RALGAPA2: variants seen among roughly 807,000 people sequenced by gnomAD.
RALGAPA2 encodes the protein Ral GTPase activating protein catalytic subunit alpha 2.
A neutral mutation model predicts 230.4 loss-of-function variants in RALGAPA2; 139 were observed. That is an observed-to-expected ratio of 0.60 (90% CI 0.53 to 0.69). The LOEUF is 0.69. RALGAPA2 is among the 30% of genes least tolerant of loss of function. The pLI is 0.00. For missense variants in RALGAPA2, 2,163 were observed against 2,276.0 expected, an observed-to-expected ratio of 0.95 and a Z score of 1.01; for synonymous variants, 847 against 837.8, an observed-to-expected ratio of 1.01 and a Z score of -0.19.
intron 27 of RALGAPA2, among the ~76,000 whole-genome samples, chr20:20,527,381 C>T (rs990961783): frequency 1.3e-5 from 2 of 152,188 alleles, no homozygotes; most frequent in African/African-American, 4.8e-5. Flanking sequence ...CCTTCTCTGG[C>T]CACAGAGACC....
At chr20:20,675,208 T>C (rs534646069) in intron 3 of RALGAPA2, among the ~76,000 whole-genome samples, 3 of 152,102 alleles carry the variant, frequency 2.0e-5, no homozygotes, top group South Asian at 2.1e-4. Context: ...TGTGTATCAA[T>C]AGCGAATCAA....
chr20:20,650,065 A>T (rs543506876), intron 4 of RALGAPA2, among the ~76,000 whole-genome samples: 90 of 152,078 alleles, frequency 5.9e-4, no homozygotes, highest in African/African-American at 2.0e-3. Context: ...TGTGCCAACC[A>T]CTCCCCTGGT....
chr20:20,563,809 T>C (rs1305471120), intron 23 of RALGAPA2, among the ~76,000 whole-genome samples: 1 of 151,972 alleles, frequency 6.6e-6, no homozygotes, highest in Non-Finnish European at 1.5e-5. Context: ...CTCCAACATA[T>C]TTCTCACACA....
chr20:20,629,597 G>C lies in RALGAPA2; in HGVS notation c.1006-7C>G, dbSNP rs775014646. ...CAGCACCACCACCAACAGTCTGGAA[G>C]AAAGTCAGCACACTTCTCAATGATG... On this transcript the variant is annotated splice_polypyrimidine_tract_variant and splice_region_variant and intron_variant, in intron 9 of 39. Transcript: ENST00000202677. 1.6e-4 allele frequency: 260 copies of C among 1,612,520 alleles called. No homozygotes were observed. Among genetic ancestry groups the C allele is most frequent in the Non-Finnish European group, 2.1e-4 (242 of 1,179,704 alleles).
In RALGAPA2 at chr20:20,605,339, C is replaced by T. The variant is rs761354774; in HGVS notation, c.1874G>A (p.Gly625Asp). 1 of 1,613,836 alleles carries T rather than the reference C, an allele frequency of 6.2e-7. No homozygotes were observed. Among genetic ancestry groups the T allele is most frequent in the African/African-American group, 1.3e-5 (1 of 75,020 alleles). The change falls in exon 15 of 40, where the codon GGT becomes GAT. Residue 625 changes from glycine to aspartate, a missense_variant. By Grantham distance (94) the Gly-to-Asp change is moderately conservative (BLOSUM62 -1). Coordinates refer to ENST00000202677, the MANE Select transcript of RALGAPA2 (RefSeq NM_020343.4). ...CCATTCCGTGAGGGAGGACAGCACA[C>T]CAAGAAAGTCATCCCAGAGCTCTCG... is the stretch of plus-strand genomic sequence containing the variant. ...ISRELWDDFL[G>D]VLSSLTEWEE...
At position 20,393,148 on chromosome 20, in the gene RALGAPA2, G is replaced by A. The variant is rs754698731; in HGVS notation, c.*141C>T. The stretch of plus-strand genomic sequence containing the variant: ...ACTAGTACAGCAACGAAATTTCCTG[G>A]AGATTCTGGGTTTAGTGGCTCGGGG... On this transcript the variant is annotated 3_prime_UTR_variant, in exon 40 of 40. Coordinates refer to ENST00000202677, the MANE Select transcript of RALGAPA2 (RefSeq NM_020343.4). 2 of 1,360,880 alleles carry A rather than the reference G, an allele frequency of 1.5e-6. No homozygotes were observed. Among genetic ancestry groups the A allele is most frequent in the South Asian group, 1.2e-5 (1 of 86,406 alleles). The allele number at this position is 1,360,880 out of a possible 1,614,324, so 84.3% of individuals were successfully genotyped here.
At chr20:20,401,090 A>G (rs2059824919) in intron 38 of RALGAPA2, among the ~76,000 whole-genome samples, 2 of 152,270 alleles carry the variant, frequency 1.3e-5, no homozygotes, top group South Asian at 2.1e-4. Flanking sequence ...AATGTTATAG[A>G]ATTTGATTGT....
rs745515353 is a variant in RALGAPA2 at position 20,495,130 on chromosome 20, G to T, written c.5354C>A (p.Thr1785Lys). Residue 1785 changes from threonine to lysine, a missense_variant, in exon 36 of 40, where the codon ACG becomes AAG. Physicochemically the swap from Thr to Lys is moderately conservative, Grantham distance 78. Coordinates refer to ENST00000202677, the MANE Select transcript of RALGAPA2 (RefSeq NM_020343.4). ...ATGAAAACGTACCTCAGGTTTCTTC[G>T]TTATCGCGATGAAGAACATGTGATT... ...MKNHMFFIAITKKPEVPFFGP... is the reference protein window; with the variant it reads ...MKNHMFFIAIKKKPEVPFFGP... 3.7e-6 allele frequency: 6 copies of T among 1,605,094 alleles called. No homozygotes were observed. The highest frequency in any genetic ancestry group is 5.1e-6 in the Non-Finnish European group (6 of 1,173,072).
chr20:20,413,564 TC>T (rs1419785770), intron 37 of RALGAPA2, among the ~76,000 whole-genome samples: 2 of 152,054 alleles, frequency 1.3e-5, no homozygotes, highest in African/African-American at 4.8e-5. Flanking sequence ...GCTTTGCCCC[TC>T]CCCCCACCTT....
intron 2 of RALGAPA2, among the ~76,000 whole-genome samples, chr20:20,679,518 C>G: frequency 6.6e-6 from 1 of 152,214 alleles, no homozygotes; most frequent in South Asian, 2.1e-4. Context: ...CTAACCACCT[C>G]CAGAACAAAG....
chr20:20,584,840 G>A (rs573184377), intron 19 of RALGAPA2, 25 bp downstream of exon 19: 10 of 1,501,086 alleles, frequency 6.7e-6, no homozygotes, highest in Non-Finnish European at 9.3e-6. Context: ...TGTAGTTGGA[G>A]GAACAGACAT....
intron 1 of RALGAPA2, among the ~76,000 whole-genome samples, chr20:20,689,842 G>T (rs1406896457): frequency 6.6e-6 from 1 of 152,154 alleles, no homozygotes; most frequent in Non-Finnish European, 1.5e-5. Flanking sequence ...CAGCAGCTCA[G>T]GGCAGAGGTT....
intron 2 of RALGAPA2, among the ~76,000 whole-genome samples, chr20:20,677,629 A>ACTTT (rs2068377861): frequency 1.6e-5 from 1 of 64,284 alleles, no homozygotes. Flanking sequence ...GATTTGACCC[A>ACTTT]TTTTTTTTTT....
chr20:20,504,022 G>A (rs192932457), intron 34 of RALGAPA2, among the ~76,000 whole-genome samples: 13 of 152,204 alleles, frequency 8.5e-5, no homozygotes, highest in African/African-American at 1.9e-4. Flanking sequence ...TCAAAGTTAC[G>A]GCATGAGTGT....
At chr20:20,595,069 T>C (rs547320264) in intron 16 of RALGAPA2, among the ~76,000 whole-genome samples, 17 of 152,284 alleles carry the variant, frequency 1.1e-4, no homozygotes, top group African/African-American at 4.1e-4. Context: ...AATGATCAAA[T>C]AAGGATTACT....
chr20:20,681,502 T>C (rs2068520530), intron 1 of RALGAPA2, among the ~76,000 whole-genome samples: 1 of 152,160 alleles, frequency 6.6e-6, no homozygotes, highest in Non-Finnish European at 1.5e-5. Context: ...TGATTAGCAA[T>C]ACAGCCAGTT....
chr20:20,617,154 A>G lies in RALGAPA2; in HGVS notation c.1540-963T>C, dbSNP rs561488187. 4.6e-5 allele frequency among the ~76,000 whole-genome samples: 7 copies of G among 152,312 alleles called. No individual in the cohort carries two copies. The South Asian group carries it at 1.2e-3, about 27-fold the overall frequency. On this transcript the variant is annotated intron_variant, in intron 12 of 39. Transcript: ENST00000202677. ...GCCTCTTAGGTCTCCTTTGTGTTCA[A>G]TAACACAAACTCAAAGCATGACGGA...
intron 38 of RALGAPA2, among the ~76,000 whole-genome samples, chr20:20,399,583 C>G (rs754180280): frequency 6.6e-6 from 1 of 152,202 alleles, no homozygotes; most frequent in Non-Finnish European, 1.5e-5. Context: ...CCAGAAGTCA[C>G]TTTTGAAGAA....
intron 38 of RALGAPA2, among the ~76,000 whole-genome samples, chr20:20,399,725 C>T (rs771969503): frequency 9.2e-5 from 14 of 152,226 alleles, no homozygotes; most frequent in Non-Finnish European, 1.8e-4. Flanking sequence ...CTAGCAGAGG[C>T]GTTCCAGGAA....
Sources: allele counts gnomAD v4.1 joint callset (sites outside exome capture counted in the v4.1 genomes callset), GRCh38; gene constraint gnomAD v4.1.1; transcripts MANE v1.5; gene names NCBI Gene and HGNC (gene_info 2026-07-23, HGNC 2026-07-21).